CCN4: variants seen among roughly 807,000 people sequenced by gnomAD.
CCN4 encodes the protein CCN family member 4.
A neutral mutation model predicts 36.7 loss-of-function variants in CCN4; 30 were observed. The observed-to-expected ratio is 0.82, with a 90% CI of 0.61 to 1.11. CCN4 has a LOEUF of 1.11. Ranked by LOEUF, CCN4 falls within the 50% of genes least tolerant of loss-of-function variation. The pLI, the probability that CCN4 is intolerant of heterozygous loss-of-function variation, is 0.00. For missense variants in CCN4, 505 were observed against 504.9 expected, an observed-to-expected ratio of 1.00 and a Z score of 0.00; for synonymous variants, 191 against 195.4, an observed-to-expected ratio of 0.98 and a Z score of 0.19.
intron 2 of CCN4, among the ~76,000 whole-genome samples, chr8:133,218,419 C>T (rs576009957): frequency 4.0e-4 from 61 of 152,166 alleles, no homozygotes; most frequent in Non-Finnish European, 7.1e-4. Flanking sequence ...TCACCTTGGA[C>T]GCTATGTGTC....
At chr8:133,215,247 C>G (rs1158704522) in intron 2 of CCN4, among the ~76,000 whole-genome samples, 1 of 152,116 alleles carries the variant, frequency 6.6e-6, no homozygotes. Flanking sequence ...GGATCTAGTC[C>G]TTTAACAAGA....
At chr8:133,203,817 A>G (rs1000386475) in intron 1 of CCN4, among the ~76,000 whole-genome samples, 15 of 152,146 alleles carry the variant, frequency 9.9e-5, no homozygotes, top group Admixed American at 9.2e-4. Flanking sequence ...TGGGCAGTCC[A>G]CCCCACCGCT....
At chr8:133,219,910 A>T (rs1854455774) in intron 2 of CCN4, among the ~76,000 whole-genome samples, 1 of 152,204 alleles carries the variant, frequency 6.6e-6, no homozygotes, top group Non-Finnish European at 1.5e-5. Flanking sequence ...AAGTGTGTTT[A>T]TGTAAAATTA....
Position 133,213,209 on chromosome 8 carries a change from C to T in CCN4, c.349+66C>T, listed in dbSNP as rs573349624. ...CCCCCAGCTCTGGCCCCAAACCCCT[C>T]TCCCTTGGCACCCCCACAGCCTTTC... is the stretch of plus-strand genomic sequence containing the variant. On this transcript the variant is annotated intron_variant, in intron 2 of 4. Coordinates refer to ENST00000250160, the MANE Select transcript of CCN4 (RefSeq NM_003882.4). The T allele has an allele frequency of 2.3e-5, 36 of 1,534,994 alleles. No individual in the cohort carries two copies. In the South Asian group the frequency reaches 4.4e-4, roughly 19 times the overall value.
chr8:133,191,333 C>A, intron 1 of CCN4, 120 bp downstream of exon 1: 1 of 1,208,406 alleles, frequency 8.3e-7, no homozygotes, highest in Non-Finnish European at 1.1e-6. Flanking sequence ...TGGAAGGTGG[C>A]CACTTACAGG....
chr8:133,225,918 C>T (rs908512980), intron 4 of CCN4, among the ~76,000 whole-genome samples: 3 of 152,132 alleles, frequency 2.0e-5, no homozygotes, highest in African/African-American at 7.2e-5. Context: ...AGCCCACCCC[C>T]ACACAGCAGC....
chr8:133,208,446 C>T (rs1306682936), intron 1 of CCN4, among the ~76,000 whole-genome samples: 1 of 152,188 alleles, frequency 6.6e-6, no homozygotes, highest in African/African-American at 2.4e-5. Context: ...TCTAACCCTG[C>T]CATCCTCCTG....
At chr8:133,198,926 C>T (rs1052099452) in intron 1 of CCN4, among the ~76,000 whole-genome samples, 18 of 152,266 alleles carry the variant, frequency 1.2e-4, no homozygotes, top group Non-Finnish European at 2.2e-4. Flanking sequence ...TGCTCTGTCA[C>T]TGTCTATGCC....
At position 133,212,395 on chromosome 8, in the gene CCN4, C is replaced by T. The variant is rs75973007; in HGVS notation, c.70-469C>T. On this transcript the variant is annotated intron_variant, in intron 1 of 4. Coordinates refer to ENST00000250160, the MANE Select transcript of CCN4 (RefSeq NM_003882.4). ...GGTATTAAGTAGGAGTCCTCTGACT[C>T]AGAGAGGCCTTAAGAACTCTCGGTG... 3.8e-3 allele frequency among the ~76,000 whole-genome samples: 572 copies of T among 152,154 alleles called. 4 individuals are homozygous for T. Among genetic ancestry groups the T allele is most frequent in the African/African-American group, 0.013 (545 of 41,504 alleles).
At chr8:133,226,594 C>T (rs1854745276) in intron 4 of CCN4, among the ~76,000 whole-genome samples, 1 of 152,216 alleles carries the variant, frequency 6.6e-6, no homozygotes, top group African/African-American at 2.4e-5. Context: ...AAGGTACCAG[C>T]TGCAGAGGAA....
chr8:133,204,332 G>C lies in CCN4; in HGVS notation c.70-8532G>C, dbSNP rs559159876. On this transcript the variant is annotated intron_variant, in intron 1 of 4. Transcript: ENST00000250160. ...TCTGCAGGTCTGCGTGAACTGCTGT[G>C]TGAAAGCAGCTTAGCAGTGTCGGTG... 2.6e-5 allele frequency among the ~76,000 whole-genome samples: 4 copies of C among 152,322 alleles called. No homozygotes were observed. The East Asian group carries it at 7.7e-4, about 29-fold the overall frequency.
chr8:133,197,528 C>A (rs56387614), intron 1 of CCN4, among the ~76,000 whole-genome samples: 19 of 152,082 alleles, frequency 1.2e-4, no homozygotes, highest in African/African-American at 3.9e-4. Flanking sequence ...GTCTCCCCCC[C>A]AGCTCTGACA....
intron 2 of CCN4, among the ~76,000 whole-genome samples, chr8:133,218,479 AT>A (rs1236046025): frequency 6.6e-6 from 1 of 152,226 alleles, no homozygotes; most frequent in Non-Finnish European, 1.5e-5. Context: ...AAAGATGATA[AT>A]GTGATAGTGT....
intron 1 of CCN4, among the ~76,000 whole-genome samples, chr8:133,206,381 A>C (rs1377316367): frequency 4.6e-5 from 7 of 152,224 alleles, no homozygotes; most frequent in Admixed American, 2.0e-4. Flanking sequence ...CCGCAAGCGG[A>C]TGTGCAAGGA....
At chr8:133,204,654 G>A (rs539505375) in intron 1 of CCN4, among the ~76,000 whole-genome samples, 2 of 152,174 alleles carry the variant, frequency 1.3e-5, no homozygotes, top group Non-Finnish European at 1.5e-5. Flanking sequence ...TCCCAGGTTC[G>A]AGCAATTCTC....
In CCN4 at chr8:133,192,396, C is replaced by T. The variant is rs146643864; in HGVS notation, c.69+1183C>T. 2.6e-3 allele frequency among the ~76,000 whole-genome samples: 392 copies of T among 152,302 alleles called. 1 individual carries two copies. Among genetic ancestry groups the T allele is most frequent in the African/African-American group, 3.3e-3 (139 of 41,554 alleles). On this transcript the variant is annotated intron_variant, in intron 1 of 4. Coordinates refer to ENST00000250160, the MANE Select transcript of CCN4 (RefSeq NM_003882.4). ...CTGTTTCATCTTGGTTAAATCCTCA[C>T]GCCTGGCATGGTGCCTGACTATAGT...
intron 1 of CCN4, among the ~76,000 whole-genome samples, chr8:133,194,469 G>A (rs1853253242): frequency 2.6e-5 from 1 of 38,352 alleles, no homozygotes; most frequent in African/African-American, 2.1e-4. Flanking sequence ...TGTGTGGGGT[G>A]TGTGTGTGTG....
At chr8:133,194,521 T>A (rs1400594364) in intron 1 of CCN4, among the ~76,000 whole-genome samples, 1 of 63,248 alleles carries the variant, frequency 1.6e-5, no homozygotes, top group Non-Finnish European at 2.8e-5. Flanking sequence ...GTGTGGTGTG[T>A]GTGGGGGTGT....
At chr8:133,194,557 G>T (rs1225321876) in intron 1 of CCN4, among the ~76,000 whole-genome samples, 1 of 100,228 alleles carries the variant, frequency 1.0e-5, no homozygotes, top group Non-Finnish European at 2.1e-5. Flanking sequence ...GGTGTGTGTG[G>T]GGGGGTGGTG....
Sources: allele counts gnomAD v4.1 joint callset (sites outside exome capture counted in the v4.1 genomes callset), GRCh38; gene constraint gnomAD v4.1.1; transcripts MANE v1.5; gene names NCBI Gene and HGNC (gene_info 2026-07-23, HGNC 2026-07-21).